The following DTWD2 variants were observed in gnomAD, a reference collection of about 807,000 sequenced individuals.
DTWD2 encodes the protein tRNA-uridine aminocarboxypropyltransferase 2.
DTWD2 carries 39 observed loss-of-function variants against 31.8 expected under a neutral mutation model. The ratio of observed to expected loss-of-function variants is 1.22; its 90% CI spans 0.95 to 1.60. The LOEUF is 1.60. Among genes scored for constraint, DTWD2 ranks in the 40% most tolerant of loss-of-function variants. The pLI is 0.00. For synonymous variants in DTWD2, 180 were observed against 142.8 expected (o/e 1.26, Z -1.86); for missense variants, 515 against 381.5 (o/e 1.35, Z -2.92).
chr5:118,920,133 G>T (rs958702475), intron 4 of DTWD2, among the ~76,000 whole-genome samples: 3 of 152,146 alleles, frequency 2.0e-5, no homozygotes, highest in South Asian at 2.1e-4. Context: ...AAAGACTGGG[G>T]ACTGCTGGTT....
intron 2 of DTWD2, among the ~76,000 whole-genome samples, chr5:118,943,702 T>G (rs1467112625): frequency 6.6e-6 from 1 of 152,156 alleles, no homozygotes; most frequent in Non-Finnish European, 1.5e-5. Flanking sequence ...TGTACCACTG[T>G]ACTCCAGCCT....
intron 4 of DTWD2, among the ~76,000 whole-genome samples, chr5:118,864,740 T>G (rs545368506): frequency 2.0e-5 from 3 of 152,014 alleles, no homozygotes; most frequent in Non-Finnish European, 2.9e-5. Flanking sequence ...CGGATGCTAT[T>G]AAAAATATCA....
chr5:118,885,456 CAAAAAA>C (rs34550372), intron 4 of DTWD2, among the ~76,000 whole-genome samples: 108 of 57,520 alleles, frequency 1.9e-3, no homozygotes, highest in African/African-American at 7.3e-3. Context: ...GACTCCACCT[CAAAAAA>C]AAAAAAAAAA....
chr5:118,963,779 G>A (rs974999900), intron 1 of DTWD2, among the ~76,000 whole-genome samples: 6 of 152,072 alleles, frequency 3.9e-5, no homozygotes, highest in Admixed American at 3.9e-4. Context: ...TCCCACCTCT[G>A]CACTCCTAAA....
At chr5:118,900,959 A>C (rs1168902844) in intron 4 of DTWD2, among the ~76,000 whole-genome samples, 1 of 151,298 alleles carries the variant, frequency 6.6e-6, no homozygotes, top group Non-Finnish European at 1.5e-5. Context: ...ACTCAAAATC[A>C]TATTTCCTGC....
At chr5:118,903,211 C>A (rs1242220520) in intron 4 of DTWD2, among the ~76,000 whole-genome samples, 1 of 150,382 alleles carries the variant, frequency 6.6e-6, no homozygotes, top group Admixed American at 6.6e-5. Context: ...TACAAGGTTT[C>A]TCTGGGAAAC....
intron 3 of DTWD2, among the ~76,000 whole-genome samples, chr5:118,938,705 T>C (rs1233229837): frequency 6.6e-6 from 1 of 150,606 alleles, no homozygotes; most frequent in Non-Finnish European, 1.5e-5. Context: ...CAAAGTGAGA[T>C]CCTGCCTCAA....
In DTWD2 at chr5:118,884,380, C is replaced by A. The variant is rs559569993; in HGVS notation, c.598-36162G>T. On this transcript the variant is annotated intron_variant, in intron 4 of 5. Transcript: ENST00000510708. ...TGTAATATACTATTAACCTCCCACTCTCCTTCAGAAATCAGTGTCTATGAA... is the reference window on the plus strand; with the variant it reads ...TGTAATATACTATTAACCTCCCACTATCCTTCAGAAATCAGTGTCTATGAA... 1.0e-3 allele frequency among the ~76,000 whole-genome samples: 157 copies of A among 152,316 alleles called. 2 individuals are homozygous for A. The highest frequency in any genetic ancestry group is 3.6e-3 in the African/African-American group (148 of 41,566).
intron 4 of DTWD2, among the ~76,000 whole-genome samples, chr5:118,889,727 T>A (rs1031492611): frequency 6.6e-6 from 1 of 152,122 alleles, no homozygotes; most frequent in Non-Finnish European, 1.5e-5. Context: ...ATTTTAAATC[T>A]CAAAAAACGA....
At chr5:118,975,756 C>G (rs113033326) in intron 1 of DTWD2, among the ~76,000 whole-genome samples, 25 of 152,280 alleles carry the variant, frequency 1.6e-4, no homozygotes, top group Non-Finnish European at 2.5e-4. Context: ...GAGACTTTAA[C>G]ACCTCACCAT....
intron 4 of DTWD2, among the ~76,000 whole-genome samples, chr5:118,904,930 C>T (rs139153925): frequency 6.6e-6 from 1 of 152,168 alleles, no homozygotes; most frequent in East Asian, 1.9e-4. Context: ...AAGCAGAGAA[C>T]AGAGAACATT....
chr5:118,860,823 TAATATC>T (rs1258910284), intron 4 of DTWD2, among the ~76,000 whole-genome samples: 13 of 152,194 alleles, frequency 8.5e-5, no homozygotes, highest in African/African-American at 3.1e-4. Flanking sequence ...CTTTGTCTAT[TAATATC>T]TTCTGCCTAT....
intron 4 of DTWD2, among the ~76,000 whole-genome samples, chr5:118,902,377 A>G (rs946002218): frequency 3.9e-5 from 6 of 152,190 alleles, no homozygotes; most frequent in African/African-American, 7.2e-5. Flanking sequence ...ACATGAATAT[A>G]TAACAACCAT....
At position 118,863,299 on chromosome 5, in the gene DTWD2, A is replaced by G. The variant is rs1580773193; in HGVS notation, c.598-15081T>C. 2.0e-5 allele frequency among the ~76,000 whole-genome samples: 3 copies of G among 152,362 alleles called. 1 individual carries two copies. In the South Asian group the frequency reaches 6.2e-4, roughly 32 times the overall value. ...ACAAGGGAATGCATACTGTAAATCA[A>G]GTATGCATATATTATATGCTGCCTA... On this transcript the variant is annotated intron_variant, in intron 4 of 5. Coordinates refer to ENST00000510708, the MANE Select transcript of DTWD2 (RefSeq NM_173666.4).
chr5:118,841,737 T>C (rs561079925), intron 5 of DTWD2, among the ~76,000 whole-genome samples: 2 of 151,972 alleles, frequency 1.3e-5, no homozygotes, highest in Non-Finnish European at 2.9e-5. Flanking sequence ...GTAATACAAC[T>C]GGAGTATACG....
At chr5:118,841,122 G>C in intron 5 of DTWD2, 35 bp from the exon 6 acceptor site, 2 of 1,571,786 alleles carry the variant, frequency 1.3e-6, no homozygotes, top group Admixed American at 1.9e-5. Flanking sequence ...AAAAGTATCT[G>C]TGACAAATCA....
chr5:118,841,504 C>T (rs1046519126), intron 5 of DTWD2, among the ~76,000 whole-genome samples: 1 of 152,118 alleles, frequency 6.6e-6, no homozygotes, highest in African/African-American at 2.4e-5. Context: ...CTTACTGACA[C>T]CTGACAACAA....
intron 4 of DTWD2, among the ~76,000 whole-genome samples, chr5:118,878,012 A>T (rs1187066285): frequency 6.6e-6 from 1 of 152,202 alleles, no homozygotes; most frequent in Non-Finnish European, 1.5e-5. Context: ...CTACAAGGAG[A>T]ACTACAAAAC....
At chr5:118,939,760 A>T (rs1754139770) in intron 2 of DTWD2, among the ~76,000 whole-genome samples, 1 of 152,150 alleles carries the variant, frequency 6.6e-6, no homozygotes, top group Admixed American at 6.5e-5. Flanking sequence ...AAATTTTTTT[A>T]AAAAAGAAAA....
Sources: gnomAD v4.1 joint callset for allele counts (sites outside exome capture counted in the v4.1 genomes callset) on GRCh38, gnomAD v4.1.1 for gene constraint, MANE v1.5 for transcripts, NCBI Gene and HGNC (gene_info 2026-07-23, HGNC 2026-07-21) for gene names.